Variants in SAMD5 observed in about 807,000 individuals in gnomAD.
SAMD5 encodes the protein sterile alpha motif domain containing 5, also known as sterile alpha motif domain-containing protein 5.
A neutral mutation model predicts 11.3 loss-of-function variants in SAMD5; 13 were observed. The ratio of observed to expected loss-of-function variants is 1.15; its 90% CI spans 0.75 to 1.83. SAMD5 has a LOEUF of 1.83. Among genes scored for constraint, SAMD5 ranks in the 40% most tolerant of loss-of-function variants. The probability of loss-of-function intolerance (pLI) is 0.00; values close to 1 mark genes in which losing one functional copy is unlikely to be tolerated. For synonymous variants in SAMD5, 129 were observed against 111.3 expected (o/e 1.16, Z -1.00); for missense variants, 255 against 239.1 (o/e 1.07, Z -0.44).
At chr6:147,720,759 C>A (rs1006454670) in intron 1 of SAMD5, among the ~76,000 whole-genome samples, 3 of 151,208 alleles carry the variant, frequency 2.0e-5, no homozygotes, top group Admixed American at 6.6e-5. Flanking sequence ...CAGGTTAGTT[C>A]CATATGTATA....
At chr6:147,551,955 G>A (rs702331) in intron 1 of SAMD5, among the ~76,000 whole-genome samples, 50,732 of 151,268 alleles carry the variant, frequency 0.34, 8,815 homozygotes, top group East Asian at 0.54. Context: ...GCAGAAGAGA[G>A]GTTCTAAAAT....
At chr6:147,579,874 A>G (rs7757902) in intron 1 of SAMD5, among the ~76,000 whole-genome samples, 50,484 of 152,012 alleles carry the variant, frequency 0.33, 8,538 homozygotes, top group East Asian at 0.36. Context: ...TGCAACAAAT[A>G]TGTGTGGAAT....
the SAMD5 span, among the ~76,000 whole-genome samples, chr6:147,879,098 T>C: frequency 3.9e-5 from 6 of 152,210 alleles, no homozygotes; most frequent in Non-Finnish European, 8.8e-5. Flanking sequence ...GTAATGGAAA[T>C]TAAAGATAAG....
chr6:147,573,283 T>G (rs976314104), downstream of SAMD5, among the ~76,000 whole-genome samples: 1 of 151,302 alleles, frequency 6.6e-6, no homozygotes, highest in African/African-American at 2.4e-5. Flanking sequence ...GACTCACAGT[T>G]CCACATGGCT....
the SAMD5 span, among the ~76,000 whole-genome samples, chr6:147,768,533 G>T: frequency 7.9e-5 from 12 of 151,324 alleles, no homozygotes; most frequent in Non-Finnish European, 1.3e-4. Flanking sequence ...CAAAAAAACA[G>T]AAAAAAACAA....
chr6:147,603,862 G>A (rs1789659565), intron 1 of SAMD5, among the ~76,000 whole-genome samples: 1 of 152,142 alleles, frequency 6.6e-6, no homozygotes, highest in African/African-American at 2.4e-5. Flanking sequence ...ATTTGTCCAT[G>A]TTTATGCAGA....
chr6:147,811,030 G>A, the SAMD5 span, among the ~76,000 whole-genome samples: 1 of 152,186 alleles, frequency 6.6e-6, no homozygotes. Flanking sequence ...GTGCAACATT[G>A]GGCAAGGTAT....
At chr6:147,532,742 C>A (rs527735618) in intron 1 of SAMD5, among the ~76,000 whole-genome samples, 2 of 152,244 alleles carry the variant, frequency 1.3e-5, no homozygotes, top group African/African-American at 4.8e-5. Flanking sequence ...AGTTTACATT[C>A]CCACCCACAG....
chr6:147,867,279 G>GT, the SAMD5 span, among the ~76,000 whole-genome samples: 154 of 115,366 alleles, frequency 1.3e-3, no homozygotes, highest in East Asian at 6.9e-3. Flanking sequence ...GGTCAAAAAG[G>GT]TTTTTTTTTT....
chr6:147,729,360 G>A (rs1040109049), intron 1 of SAMD5, among the ~76,000 whole-genome samples: 1 of 152,100 alleles, frequency 6.6e-6, no homozygotes, highest in Non-Finnish European at 1.5e-5. Context: ...TTTCACTACT[G>A]TCTAAGACAA....
chr6:147,917,905 C>G, the SAMD5 span, among the ~76,000 whole-genome samples: 1 of 152,072 alleles, frequency 6.6e-6, no homozygotes, highest in African/African-American at 2.4e-5. Context: ...CTGTTCTGTT[C>G]CATTGGTCTA....
intron 1 of SAMD5, among the ~76,000 whole-genome samples, chr6:147,577,533 A>G (rs776192044): frequency 6.6e-6 from 1 of 151,970 alleles, no homozygotes; most frequent in Non-Finnish European, 1.5e-5. Context: ...CTACAACTAA[A>G]TGAATTGAAT....
At chr6:147,573,252 A>G (rs1789165085), downstream of SAMD5, among the ~76,000 whole-genome samples, 1 of 152,058 alleles carries the variant, frequency 6.6e-6, no homozygotes, top group South Asian at 2.1e-4. Context: ...TGGGTGATTT[A>G]TAAAGGAAAG....
At chr6:147,602,776 C>T (rs1012600421) in intron 1 of SAMD5, among the ~76,000 whole-genome samples, 1 of 68,748 alleles carries the variant, frequency 1.5e-5, no homozygotes, top group Non-Finnish European at 2.7e-5. Flanking sequence ...CAAAAACCAA[C>T]CAAACAAAAA....
At chr6:147,862,707 T>C in the SAMD5 span, among the ~76,000 whole-genome samples, 11 of 152,334 alleles carry the variant, frequency 7.2e-5, no homozygotes, top group South Asian at 2.3e-3. Flanking sequence ...TCACATGTGA[T>C]AGTACATTAC....
At chr6:147,718,610 T>C (rs1791500716) in intron 1 of SAMD5, among the ~76,000 whole-genome samples, 1 of 152,202 alleles carries the variant, frequency 6.6e-6, no homozygotes. Context: ...AAGGAATTGA[T>C]GGTTTAACCA....
At chr6:147,629,567 T>C (rs1458892188) in intron 1 of SAMD5, among the ~76,000 whole-genome samples, 1 of 152,198 alleles carries the variant, frequency 6.6e-6, no homozygotes, top group Non-Finnish European at 1.5e-5. Context: ...GGAAAACTAG[T>C]GGAGGCTAGT....
intron 1 of SAMD5, among the ~76,000 whole-genome samples, chr6:147,550,900 T>TTATATA (rs10677162): frequency 1.3e-5 from 2 of 150,398 alleles, no homozygotes; most frequent in South Asian, 2.1e-4. Flanking sequence ...CCTCTTATAT[T>TTATATA]TATATATATA....
chr6:147,604,318 A>G (rs972361958), intron 1 of SAMD5, among the ~76,000 whole-genome samples: 9 of 151,630 alleles, frequency 5.9e-5, no homozygotes, highest in South Asian at 2.1e-4. Context: ...TGTTCCTCCT[A>G]TAAAGACCTG....
Sources: gnomAD v4.1 joint callset for allele counts (sites outside exome capture counted in the v4.1 genomes callset) on GRCh38, gnomAD v4.1.1 for gene constraint, MANE v1.5 for transcripts, NCBI Gene and HGNC (gene_info 2026-07-23, HGNC 2026-07-21) for gene names.